IL18RAP: variants seen among roughly 807,000 people sequenced by gnomAD.
The protein encoded by IL18RAP is interleukin 18 receptor accessory protein, also known as interleukin-18 receptor accessory protein.
IL18RAP carries 37 observed loss-of-function variants against 58.1 expected under a neutral mutation model. That is an observed-to-expected ratio of 0.64 (90% CI 0.49 to 0.84). The LOEUF is 0.84. Ranked by LOEUF, IL18RAP falls within the 40% of genes least tolerant of loss-of-function variation. IL18RAP has a pLI of 0.00. For missense variants in IL18RAP, 667 were observed against 704.8 expected (o/e 0.95, Z 0.61); for synonymous variants, 268 against 257.5 (o/e 1.04, Z -0.39).
At chr2:102,428,446 A>G (rs1278355039) in intron 3 of IL18RAP, among the ~76,000 whole-genome samples, 1 of 149,256 alleles carries the variant, frequency 6.7e-6, no homozygotes, top group South Asian at 2.1e-4. Flanking sequence ...ATACCCAACT[A>G]TTTTACTATG....
intron 5 of IL18RAP, 107 bp downstream of exon 5, chr2:102,441,484 G>A (rs1683100452): frequency 2.3e-6 from 2 of 856,586 alleles, no homozygotes; most frequent in African/African-American, 1.7e-5. Context: ...AGAATTGGGT[G>A]TGAATCTTAA....
Position 102,427,980 on chromosome 2 carries a change from C to CTT in IL18RAP, c.579+3580_579+3581dup, listed in dbSNP as rs60743144. On this transcript the variant is annotated intron_variant, in intron 3 of 9. Transcript: ENST00000687160. ...TTTCCCCATTGTGTGTTCTTGGCATCTTTTTTTTTTTTTTTAATTTATTGA... is the reference window on the plus strand; with the variant it reads ...TTTCCCCATTGTGTGTTCTTGGCATCTTTTTTTTTTTTTTTTTAATTTATTGA... Among the ~76,000 whole-genome samples the CTT allele has an allele frequency of 2.0e-3, 277 of 141,634 alleles. 1 individual carries two copies. The highest frequency in any genetic ancestry group is 6.8e-3 in the African/African-American group (262 of 38,456). 92.9% of individuals were successfully genotyped at this position (141,634 alleles called of 152,430 possible).
chr2:102,451,023 T>G lies in IL18RAP; in HGVS notation c.1384+2T>G, dbSNP rs1286566341. 6.3e-7 allele frequency: 1 copy of G among 1,583,018 alleles called. No individual in the cohort carries two copies. Among genetic ancestry groups the G allele is most frequent in the Non-Finnish European group, 8.6e-7 (1 of 1,166,592 alleles). ...AAAGAGATGTGGCTCCAGGAGGAGGTAAGTCCAACATGTCAAGAAAAACTG... is the reference window on the plus strand; with the variant it reads ...AAAGAGATGTGGCTCCAGGAGGAGGGAAGTCCAACATGTCAAGAAAAACTG... On this transcript the variant is annotated splice_donor_variant, in intron 9 of 9. Transcript: ENST00000687160. LOFTEE classifies it high-confidence loss of function.
rs1558646149 is a variant in IL18RAP at position 102,445,358 on chromosome 2, C to T, written c.1072+18C>T. ...GAGAGGAGGTAAGCCCAGAAGGTTG[C>T]CCAGGAGGCATGAAACTGCTTTCAC... is the stretch of plus-strand genomic sequence containing the variant. On this transcript the variant is annotated intron_variant, in intron 7 of 9. Transcript: ENST00000687160. The T allele has an allele frequency of 1.2e-6, 2 of 1,610,914 alleles. No homozygotes were observed. Among genetic ancestry groups the T allele is most frequent in the Non-Finnish European group, 1.7e-6 (2 of 1,177,568 alleles).
Position 102,447,111 on chromosome 2 carries a change from G to C in IL18RAP, c.1114G>C (p.Val372Leu), listed in dbSNP as rs1683471251. 1 of 1,614,080 alleles carries C rather than the reference G, an allele frequency of 6.2e-7. No homozygotes were observed. The highest frequency in any genetic ancestry group is 8.5e-7 in the Non-Finnish European group (1 of 1,180,014). The change falls in exon 8 of 10, where the codon GTG (valine) becomes CTG (leucine). Residue 372 changes from valine to leucine, a missense_variant. By Grantham distance (32) the Val-to-Leu change is conservative. Transcript: ENST00000687160. ...CCTGCTTGGCACCATCGGGACCCTG[G>C]TGGCCGTGCTGGCGGCGAGTGCCCT... Reference protein sequence around the residue: ...YILLGTIGTLVAVLAASALLY... With the variant: ...YILLGTIGTLLAVLAASALLY...
At chr2:102,440,545 A>G (rs527847555) in intron 4 of IL18RAP, 1 of 152,410 alleles carries the variant, frequency 6.6e-6, no homozygotes, top group African/African-American at 2.4e-5. Flanking sequence ...AGGCTGGGAT[A>G]TAAGGCAGGG....
At chr2:102,449,649 AT>A (rs955205263) in intron 8 of IL18RAP, among the ~76,000 whole-genome samples, 15 of 152,192 alleles carry the variant, frequency 9.9e-5, no homozygotes, top group African/African-American at 1.4e-4. Context: ...AATTTTAGAG[AT>A]GTAGAATGTT....
At chr2:102,423,108 A>G, upstream of IL18RAP, 1 of 696,454 alleles carries the variant, frequency 1.4e-6, no homozygotes. Context: ...TGCCCTTTCA[A>G]AGCTTCCTGT....
chr2:102,442,687 A>G (rs1683176668), intron 5 of IL18RAP, among the ~76,000 whole-genome samples: 1 of 152,232 alleles, frequency 6.6e-6, no homozygotes, highest in Non-Finnish European at 1.5e-5. Context: ...AGTTAGTCTC[A>G]TAATATGCAT....
Position 102,427,750 on chromosome 2 carries a change from T to C in IL18RAP, c.579+3336T>C, listed in dbSNP as rs572490560. On this transcript the variant is annotated intron_variant, in intron 3 of 9. Coordinates refer to ENST00000687160, the MANE Select transcript of IL18RAP (RefSeq NM_001393487.1). ...GTTTTTGTTGCCTGTGCTTTCAGGG[T>C]CATATTCAAAAGAATATTTGCCCAT... 4.6e-5 allele frequency among the ~76,000 whole-genome samples: 7 copies of C among 152,208 alleles called. No homozygotes were observed. The East Asian group carries it at 1.3e-3, about 29-fold the overall frequency.
chr2:102,428,020 G>A lies in IL18RAP; in HGVS notation c.579+3606G>A, dbSNP rs1020257249. Among the ~76,000 whole-genome samples the A allele has an allele frequency of 1.0e-3, 148 of 148,572 alleles. 1 individual carries two copies. The highest frequency in any genetic ancestry group is 3.4e-3 in the African/African-American group (136 of 40,502). ...TAATTTATTGACCATAAATGTGTGG[G>A]TTTCTTTCTGGGCTTTCTGTCATAT... On this transcript the variant is annotated intron_variant, in intron 3 of 9. Transcript: ENST00000687160.
upstream of IL18RAP, among the ~76,000 whole-genome samples, chr2:102,421,150 C>A (rs1169324395): frequency 1.3e-5 from 2 of 152,060 alleles, no homozygotes; most frequent in Non-Finnish European, 2.9e-5. Flanking sequence ...AACTCAGTTC[C>A]TGCTGGGATG....
intron 8 of IL18RAP, among the ~76,000 whole-genome samples, chr2:102,447,793 C>G (rs1453463125): frequency 4.6e-5 from 7 of 151,938 alleles, no homozygotes; most frequent in African/African-American, 1.7e-4. Flanking sequence ...TGCGGTGGCA[C>G]CATCTCAGCT....
intron 9 of IL18RAP, among the ~76,000 whole-genome samples, chr2:102,451,536 TTC>T (rs1354209977): frequency 6.6e-6 from 1 of 152,238 alleles, no homozygotes; most frequent in Admixed American, 6.5e-5. Context: ...GTCAGCTTTA[TTC>T]CTAGAGGAAT....
intron 3 of IL18RAP, among the ~76,000 whole-genome samples, chr2:102,428,977 A>G (rs957664547): frequency 2.6e-5 from 4 of 151,870 alleles, no homozygotes; most frequent in African/African-American, 9.7e-5. Flanking sequence ...TTTATCTTTC[A>G]TTTTATTAAT....
upstream of IL18RAP, among the ~76,000 whole-genome samples, chr2:102,422,942 G>A (rs1043460029): frequency 6.6e-6 from 1 of 151,838 alleles, no homozygotes; most frequent in Non-Finnish European, 1.5e-5. Context: ...ATTAATGAGG[G>A]GAAAAATGGC....
chr2:102,427,025 C>T (rs186948388), intron 3 of IL18RAP, among the ~76,000 whole-genome samples: 5 of 152,168 alleles, frequency 3.3e-5, no homozygotes, highest in African/African-American at 1.2e-4. Context: ...TTTCTGTGCC[C>T]GGCTTATTTC....
chr2:102,442,348 A>G (rs1199796517), intron 5 of IL18RAP, among the ~76,000 whole-genome samples: 1 of 151,992 alleles, frequency 6.6e-6, no homozygotes, highest in Non-Finnish European at 1.5e-5. Context: ...TAAAACATTT[A>G]TTATTTTAGA....
intron 3 of IL18RAP, among the ~76,000 whole-genome samples, chr2:102,430,430 T>C (rs1031154094): frequency 2.6e-5 from 4 of 152,046 alleles, no homozygotes; most frequent in Non-Finnish European, 5.9e-5. Context: ...GTTTTTTCCC[T>C]TCTAGTCTAT....
Sources: gnomAD v4.1 joint callset for allele counts (sites outside exome capture counted in the v4.1 genomes callset) on GRCh38, gnomAD v4.1.1 for gene constraint, MANE v1.5 for transcripts, NCBI Gene and HGNC (gene_info 2026-07-23, HGNC 2026-07-21) for gene names.